The following ATG5 variants were observed in gnomAD, a reference collection of about 807,000 sequenced individuals.
The protein encoded by ATG5 is autophagy protein 5.
A neutral mutation model predicts 36.5 loss-of-function variants in ATG5; 14 were observed. That is an observed-to-expected ratio of 0.38 (90% CI 0.25 to 0.60). The LOEUF is 0.60. Among genes scored for constraint, ATG5 ranks in the 20% least tolerant of loss-of-function variants. ATG5 has a pLI of 0.60. For missense variants in ATG5, 195 were observed against 326.7 expected (o/e 0.60, Z 3.11); for synonymous variants, 95 against 101.5 (o/e 0.94, Z 0.38).
chr6:106,282,403 T>C (rs557659514), intron 4 of ATG5, among the ~76,000 whole-genome samples: 25 of 152,194 alleles, frequency 1.6e-4, no homozygotes, highest in Non-Finnish European at 3.1e-4. Context: ...AGGTTCCTGT[T>C]TTTTTATCAG....
chr6:106,295,689 G>A (rs1279816369), intron 3 of ATG5, among the ~76,000 whole-genome samples: 2 of 151,598 alleles, frequency 1.3e-5, no homozygotes, highest in Non-Finnish European at 2.9e-5. Flanking sequence ...TCAGCCTCCT[G>A]AGTGGCTGGG....
intron 3 of ATG5, among the ~76,000 whole-genome samples, chr6:106,303,890 C>G (rs9320155): frequency 0.18 from 26,708 of 151,486 alleles, 2,758 homozygotes; most frequent in African/African-American, 0.28. Context: ...AATACATTCC[C>G]CATAAAATTA....
intron 4 of ATG5, among the ~76,000 whole-genome samples, chr6:106,280,600 G>A (rs1365809774): frequency 2.0e-5 from 3 of 152,010 alleles, no homozygotes; most frequent in Non-Finnish European, 2.9e-5. Flanking sequence ...AGGGAGTTAG[G>A]TAAATGAGAC....
At chr6:106,231,563 C>T (rs1777691737) in intron 6 of ATG5, among the ~76,000 whole-genome samples, 1 of 151,408 alleles carries the variant, frequency 6.6e-6, no homozygotes, top group African/African-American at 2.4e-5. Flanking sequence ...TCAATGATGT[C>T]CACTATAACA....
intron 2 of ATG5, among the ~76,000 whole-genome samples, chr6:106,314,552 G>C (rs369028457): frequency 5.9e-5 from 9 of 152,160 alleles, no homozygotes; most frequent in African/African-American, 2.2e-4. Context: ...GGGTGAGACT[G>C]TCTCAAAATA....
chr6:106,241,615 T>G (rs75494413), intron 6 of ATG5, among the ~76,000 whole-genome samples: 1 of 152,150 alleles, frequency 6.6e-6, no homozygotes, highest in South Asian at 2.1e-4. Flanking sequence ...TATATATATG[T>G]TTTTTGGCTG....
intron 4 of ATG5, among the ~76,000 whole-genome samples, chr6:106,285,516 T>C (rs1003388104): frequency 2.6e-5 from 4 of 152,230 alleles, no homozygotes; most frequent in Non-Finnish European, 2.9e-5. Context: ...GTTAACTTAC[T>C]GGCAGCTCTC....
At chr6:106,243,855 T>C (rs2114501028) in intron 6 of ATG5, among the ~76,000 whole-genome samples, 1 of 122,940 alleles carries the variant, frequency 8.1e-6, no homozygotes, top group East Asian at 2.4e-4. Flanking sequence ...AGTAAGTAAA[T>C]AAAATTAAAA....
At chr6:106,242,027 G>C (rs1378047875) in intron 6 of ATG5, among the ~76,000 whole-genome samples, 1 of 152,100 alleles carries the variant, frequency 6.6e-6, no homozygotes, top group African/African-American at 2.4e-5. Flanking sequence ...AAAGGTGGAA[G>C]CAACTCCAGC....
intron 7 of ATG5, 140 bp downstream of exon 7, chr6:106,201,832 G>T: frequency 1.9e-6 from 1 of 523,894 alleles, no homozygotes; most frequent in Non-Finnish European, 3.3e-6. Context: ...AATATTAGGT[G>T]CTTCTGTTTG....
intron 7 of ATG5, chr6:106,201,671 C>T (rs1562207632): frequency 5.9e-6 from 1 of 169,606 alleles, no homozygotes; most frequent in African/African-American, 2.4e-5. Flanking sequence ...AAACAAAATG[C>T]AAGATTAAAA....
chr6:106,280,715 T>A (rs1324236531), intron 4 of ATG5, among the ~76,000 whole-genome samples: 3 of 152,126 alleles, frequency 2.0e-5, no homozygotes, highest in African/African-American at 7.2e-5. Context: ...TCTTATTTAA[T>A]CCTAACAACA....
chr6:106,243,574 T>C (rs1307596700), intron 6 of ATG5, among the ~76,000 whole-genome samples: 1 of 148,376 alleles, frequency 6.7e-6, no homozygotes, highest in Non-Finnish European at 1.5e-5. Context: ...CTCACACTTG[T>C]AATTCCAGCA....
chr6:106,223,317 A>G (rs1777321539), intron 6 of ATG5, among the ~76,000 whole-genome samples: 1 of 152,232 alleles, frequency 6.6e-6, no homozygotes, highest in Admixed American at 6.5e-5. Flanking sequence ...CCTAGAAAAT[A>G]GAAATGTAAT....
At chr6:106,212,714 C>T (rs1355572055) in intron 6 of ATG5, among the ~76,000 whole-genome samples, 2 of 152,218 alleles carry the variant, frequency 1.3e-5, no homozygotes, top group South Asian at 2.1e-4. Context: ...AGTATATTTT[C>T]ACTTGACACA....
chr6:106,241,683 G>A (rs2114494806), intron 6 of ATG5, among the ~76,000 whole-genome samples: 1 of 152,214 alleles, frequency 6.6e-6, no homozygotes, highest in African/African-American at 2.4e-5. Context: ...CACAATGTAG[G>A]TGGGCCTCAT....
At chr6:106,315,774 T>C (rs756208183) in intron 2 of ATG5, among the ~76,000 whole-genome samples, 2 of 152,138 alleles carry the variant, frequency 1.3e-5, no homozygotes, top group Non-Finnish European at 2.9e-5. Context: ...TTATCATACA[T>C]TTATTATATA....
intron 6 of ATG5, among the ~76,000 whole-genome samples, chr6:106,237,377 T>C (rs896775141): frequency 6.6e-6 from 1 of 152,156 alleles, no homozygotes. Context: ...TCAATAAACA[T>C]ATTCATCTTC....
chr6:106,315,502 T>C (rs1364778598), intron 2 of ATG5, among the ~76,000 whole-genome samples: 2 of 152,120 alleles, frequency 1.3e-5, no homozygotes, highest in Admixed American at 6.5e-5. Flanking sequence ...GTAAAATACA[T>C]AATCCATTAA....
Sources: allele counts gnomAD v4.1 joint callset (sites outside exome capture counted in the v4.1 genomes callset), GRCh38; gene constraint gnomAD v4.1.1; transcripts MANE v1.5; gene names NCBI Gene and HGNC (gene_info 2026-07-23, HGNC 2026-07-21).